CPAP: variants seen among roughly 807,000 people sequenced by gnomAD.
CPAP encodes the protein centrosomal P4.1-associated protein.
At chr13:24,888,569 T>G in the CPAP span, among the ~76,000 whole-genome samples, 1 of 148,610 alleles carries the variant, frequency 6.7e-6, no homozygotes, top group East Asian at 2.0e-4. Flanking sequence ...GAGCATACTC[T>G]GCTGACAGTA....
At chr13:24,930,094 T>G in the CPAP span, among the ~76,000 whole-genome samples, 1 of 151,730 alleles carries the variant, frequency 6.6e-6, no homozygotes. Flanking sequence ...AATTTTTTTG[T>G]AAAGATGGGG....
chr13:24,912,314 G>A, the CPAP span, among the ~76,000 whole-genome samples: 3 of 152,236 alleles, frequency 2.0e-5, no homozygotes, highest in African/African-American at 7.2e-5. Context: ...GTTAAAATAG[G>A]ATGGGCATCA....
chr13:24,922,532 GGCTTCCC>G, the CPAP span, among the ~76,000 whole-genome samples: 1 of 152,218 alleles, frequency 6.6e-6, no homozygotes, highest in African/African-American at 2.4e-5. Context: ...CAGAGAGGCC[GGCTTCCC>G]CAGCTCTGCG....
chr13:24,932,043 C>CCG, the CPAP span, among the ~76,000 whole-genome samples: 1 of 152,280 alleles, frequency 6.6e-6, no homozygotes, highest in Non-Finnish European at 1.5e-5. Flanking sequence ...GCGACGGTCC[C>CCG]TGCTAGGGAC....
the CPAP span, among the ~76,000 whole-genome samples, chr13:24,901,661 G>A: frequency 6.6e-6 from 1 of 152,294 alleles, no homozygotes; most frequent in East Asian, 1.9e-4. Flanking sequence ...AGAAGACTAG[G>A]GCGTGCTAAT....
chr13:24,889,041 C>T, the CPAP span: 10 of 433,598 alleles, frequency 2.3e-5, no homozygotes, highest in African/African-American at 1.6e-4. Flanking sequence ...ATCATGCTTG[C>T]CCTCAAAAAG....
chr13:24,916,597 A>G, the CPAP span, among the ~76,000 whole-genome samples: 1 of 152,224 alleles, frequency 6.6e-6, no homozygotes, highest in East Asian at 1.9e-4. Flanking sequence ...GTTTTTCACC[A>G]TTCAACTTGA....
chr13:24,932,791 G>A, the CPAP span, among the ~76,000 whole-genome samples: 1 of 152,174 alleles, frequency 6.6e-6, no homozygotes, highest in Non-Finnish European at 1.5e-5. Context: ...TTTGGGTGTT[G>A]TAATATCAGC....
the CPAP span, among the ~76,000 whole-genome samples, chr13:24,930,720 G>A: frequency 3.3e-5 from 5 of 152,136 alleles, no homozygotes; most frequent in Admixed American, 2.6e-4. Context: ...TTGTTGATGG[G>A]CACCTGAGTT....
chr13:24,908,006 C>G, the CPAP span: 2 of 1,547,998 alleles, frequency 1.3e-6, no homozygotes, highest in Admixed American at 1.7e-5. Context: ...TCACTTTCAA[C>G]ACGAACAATA....
chr13:24,884,037 C>A, the CPAP span: 1 of 1,613,978 alleles, frequency 6.2e-7, no homozygotes, highest in Non-Finnish European at 8.5e-7. Flanking sequence ...TTTTAACAGT[C>A]TGGTCAGGAA....
chr13:24,884,068 T>G, the CPAP span: 1 of 1,611,486 alleles, frequency 6.2e-7, no homozygotes, highest in Non-Finnish European at 8.5e-7. Flanking sequence ...TTTTCTTCCA[T>G]CTGGGTAATG....
At chr13:24,909,538 C>A in the CPAP span, among the ~76,000 whole-genome samples, 10 of 146,458 alleles carry the variant, frequency 6.8e-5, 1 homozygote, top group East Asian at 1.6e-3. Context: ...AAAAAAAAAA[C>A]ACGCCACAGG....
chr13:24,906,956 G>A, the CPAP span: 23 of 1,612,924 alleles, frequency 1.4e-5, no homozygotes, highest in Non-Finnish European at 2.0e-5. Flanking sequence ...TGGTCCTTCT[G>A]CTTCCTAAAA....
At chr13:24,888,698 C>T in the CPAP span, among the ~76,000 whole-genome samples, 1 of 152,316 alleles carries the variant, frequency 6.6e-6, no homozygotes, top group East Asian at 1.9e-4. Context: ...CGCTCTGCAG[C>T]CCTATTCATT....
At chr13:24,909,586 G>C in the CPAP span, among the ~76,000 whole-genome samples, 1 of 151,918 alleles carries the variant, frequency 6.6e-6, no homozygotes, top group Non-Finnish European at 1.5e-5. Flanking sequence ...GAGCTGGCAG[G>C]GTAGCACGTG....
chr13:24,930,787 T>A, the CPAP span, among the ~76,000 whole-genome samples: 1 of 152,186 alleles, frequency 6.6e-6, no homozygotes, highest in Non-Finnish European at 1.5e-5. Flanking sequence ...AGTGCATGTG[T>A]CTTTTTGGTA....
chr13:24,890,533 A>T, the CPAP span, among the ~76,000 whole-genome samples: 1 of 152,144 alleles, frequency 6.6e-6, no homozygotes, highest in Non-Finnish European at 1.5e-5. Context: ...TGTCACACAC[A>T]CTGTCAGCTT....
At chr13:24,903,882 TGAGTCAC>T in the CPAP span, 1 of 1,597,792 alleles carries the variant, frequency 6.3e-7, no homozygotes, top group South Asian at 1.1e-5. Flanking sequence ...AAGGTATAAC[TGAGTCAC>T]TGCATATTTT....
Sources: gnomAD v4.1 joint callset for allele counts (sites outside exome capture counted in the v4.1 genomes callset) on GRCh38, gnomAD v4.1.1 for gene constraint, MANE v1.5 for transcripts, NCBI Gene and HGNC (gene_info 2026-07-23, HGNC 2026-07-21) for gene names.